NPR2: variants seen among roughly 807,000 people sequenced by gnomAD.
NPR2 encodes natriuretic peptide receptor 2.
Under a neutral mutation model 120.7 loss-of-function variants are expected in NPR2, and 49 were observed. The observed-to-expected ratio is 0.41, with a 90% CI of 0.32 to 0.52. The LOEUF is 0.52. Among genes scored for constraint, NPR2 ranks in the 20% least tolerant of loss-of-function variants. The probability of loss-of-function intolerance (pLI) is 0.36; values close to 1 mark genes in which losing one functional copy is unlikely to be tolerated. For missense variants in NPR2, 931 were observed against 1,362.9 expected (o/e 0.68, Z 4.99); for synonymous variants, 484 against 519.8 (o/e 0.93, Z 0.94).
At chr9:35,807,518 T>C (rs1346349633) in intron 18 of NPR2, 120 bp downstream of exon 18, 2 of 828,502 alleles carry the variant, frequency 2.4e-6, no homozygotes, top group Admixed American at 1.7e-5. Context: ...TCCAGGGTAC[T>C]CAGCATCCTG....
Position 35,805,857 on chromosome 9 carries a change from T to C in NPR2, c.2075T>C (p.Leu692Pro), listed in dbSNP as rs1828353475. The C allele has an allele frequency of 1.9e-6, 3 of 1,614,160 alleles. No homozygotes were observed. Among genetic ancestry groups the C allele is most frequent in the Non-Finnish European group, 2.5e-6 (3 of 1,179,992 alleles). ...AAGCTGTGGACTGCCCCAGAACTGC[T>C]CAGTGGGAACCCCTTGCCAACCACA... Reference protein sequence around the residue: ...AKKLWTAPELLSGNPLPTTGM... With the variant: ...AKKLWTAPELPSGNPLPTTGM... Residue 692 changes from leucine to proline, a missense_variant, in exon 14 of 22, where the codon CTC becomes CCC. This residue lies in a region of NPR2 where 681 missense variants were observed against 974.3 expected (regional missense o/e 0.70). Coordinates refer to ENST00000342694, the MANE Select transcript of NPR2 (RefSeq NM_003995.4). The surrounding 1 kb of genome is among the most constrained non-coding windows in gnomAD (Gnocchi z 4.9).
In NPR2 at chr9:35,792,453, T is replaced by C; in HGVS notation, c.45T>C (p.Gly15=). The change falls in exon 1 of 22, where the codon GGT becomes GGC. Residue 15 remains glycine (G), a synonymous_variant. Coordinates refer to ENST00000342694, the MANE Select transcript of NPR2 (RefSeq NM_003995.4). ...SLLLLVAALA[G]GVRPPGARNL... The stretch of plus-strand genomic sequence containing the variant: ...TGCTGTTGGTGGCAGCCCTGGCAGG[T>C]GGGGTGCGTCCTCCCGGGGCGCGGA... 1.9e-6 allele frequency: 3 copies of C among 1,610,702 alleles called. No homozygotes were observed. The highest frequency in any genetic ancestry group is 2.5e-6 in the Non-Finnish European group (3 of 1,179,714).
chr9:35,809,602 C>T lies in NPR2; in HGVS notation c.*157C>T, dbSNP rs746955675. 1 of 1,269,852 alleles carries T rather than the reference C, an allele frequency of 7.9e-7. No individual in the cohort carries two copies. Among genetic ancestry groups the T allele is most frequent in the Non-Finnish European group, 1.1e-6 (1 of 872,472 alleles). The allele number at this position is 1,269,852 out of a possible 1,614,324, so 78.7% of individuals were successfully genotyped here. A position where few individuals can be genotyped will look rare whatever the true frequency, so the allele number is the denominator to read the frequency against. The stretch of plus-strand genomic sequence containing the variant: ...ATATGGAAGTTGTAGCCCTCTGCAG[C>T]TCAGCCCTGTACATATACCTGTCCC... On this transcript the variant is annotated 3_prime_UTR_variant, in exon 22 of 22. Coordinates refer to ENST00000342694, the MANE Select transcript of NPR2 (RefSeq NM_003995.4). This position sits in a 1 kb window ranked among gnomAD's most constrained non-coding sequence, Gnocchi z 4.1.
intron 2 of NPR2, among the ~76,000 whole-genome samples, chr9:35,795,494 G>A (rs1236279988): frequency 6.6e-6 from 1 of 152,204 alleles, no homozygotes; most frequent in East Asian, 1.9e-4. Flanking sequence ...CTGTGTATAA[G>A]GGCTGGACCT....
rs5816 is a variant in NPR2, at chr9:35,806,172, C to T, written c.2311C>T (p.Gln771Ter). ...TTTGCTGATGGAGCGATGTTGGGCT[C>T]AGGACCCAGCTGAGCGGCCAGACTT... ...LVLLMERCWAQDPAERPDFGQ... is the reference protein window; with the variant it reads ...LVLLMERCWA The change falls in exon 15 of 22, where the codon CAG becomes TAG. Residue 771 changes from glutamine (Q) to a stop codon, truncating the protein, a stop_gained. Coordinates refer to ENST00000342694, the MANE Select transcript of NPR2 (RefSeq NM_003995.4). LOFTEE classifies it high-confidence loss of function. This position sits in a 1 kb window ranked among gnomAD's most constrained non-coding sequence, Gnocchi z 4.6. 6.2e-7 allele frequency: 1 copy of T among 1,614,220 alleles called. No homozygotes were observed. The highest frequency in any genetic ancestry group is 8.5e-7 in the Non-Finnish European group (1 of 1,180,050).
rs754032453 is a variant in NPR2, at chr9:35,809,269, G to T, written c.3078+22G>T. On this transcript the variant is annotated intron_variant, in intron 21 of 21. Transcript: ENST00000342694. This position sits in a 1 kb window ranked among gnomAD's most constrained non-coding sequence, Gnocchi z 4.1. ...GAAGGTGATGGCAGGCCATGGGGAG[G>T]GGGGCATGGAAAGGGAGGGTGAAAG... is the stretch of plus-strand genomic sequence containing the variant. The T allele has an allele frequency of 1.2e-6, 2 of 1,612,364 alleles. No individual in the cohort carries two copies. Among genetic ancestry groups the T allele is most frequent in the Non-Finnish European group, 1.7e-6 (2 of 1,178,652 alleles).
In NPR2 at chr9:35,806,119, A is replaced by G; in HGVS notation, c.2258A>G (p.Asp753Gly). ...GQRPYFRPSI[D>G]RTQLNEELVL... ...CGGCCATATTTCCGGCCAAGCATTG[A>G]CCGGACCCAACTGAATGAAGAGCTA... The change falls in exon 15 of 22, where the codon GAC (aspartate) becomes GGC (glycine). Residue 753 changes from aspartate to glycine, a missense_variant. Asp to Gly is a moderately conservative substitution (Grantham distance 94). Transcript: ENST00000342694. The surrounding 1 kb of genome is among the most constrained non-coding windows in gnomAD (Gnocchi z 4.6). 1 of 1,614,208 alleles carries G rather than the reference A, an allele frequency of 6.2e-7. No homozygotes were observed. The highest frequency in any genetic ancestry group is 1.6e-4 in the Middle Eastern group (1 of 6,062).
Position 35,793,950 on chromosome 9 carries a change from C to A in NPR2, c.720C>A (p.Ala240=). 6.2e-7 allele frequency: 1 copy of A among 1,614,128 alleles called. No individual in the cohort carries two copies. Among genetic ancestry groups the A allele is most frequent in the Non-Finnish European group, 8.5e-7 (1 of 1,180,020 alleles). ...TGCTGCATGAGATCCTGCTTCAGGC[C>A]CAGAGGGAGAATCTGACCAATGGGG... ...LEMLHEILLQ[A]QRENLTNGDY... The change falls in exon 2 of 22, where the codon GCC becomes GCA. Residue 240 remains alanine (A), a synonymous_variant. Coordinates refer to ENST00000342694, the MANE Select transcript of NPR2 (RefSeq NM_003995.4).
At position 35,808,611 on chromosome 9, in the gene NPR2, G is replaced by C; in HGVS notation, c.2815G>C (p.Asp939His). Residue 939 changes from aspartate (D) to histidine (H), a missense_variant, in exon 19 of 22, where the codon GAT (aspartate) becomes CAT (histidine). Physicochemically the swap from Asp to His is moderately conservative, Grantham distance 81. Transcript: ENST00000342694. This position sits in a 1 kb window ranked among gnomAD's most constrained non-coding sequence, Gnocchi z 4.0. ...EIARMALALL[D>H]AVSSFRIRHR... ...TGCTCGTATGGCCCTAGCATTACTA[G>C]ATGCAGTTTCTTCCTTTCGCATCCG... 1 of 1,614,204 alleles carries C rather than the reference G, an allele frequency of 6.2e-7. No individual in the cohort carries two copies. The highest frequency in any genetic ancestry group is 8.5e-7 in the Non-Finnish European group (1 of 1,180,032).
At chr9:35,798,392 G>A (rs1319492132) in intron 2 of NPR2, among the ~76,000 whole-genome samples, 1 of 152,106 alleles carries the variant, frequency 6.6e-6, no homozygotes, top group Non-Finnish European at 1.5e-5. Flanking sequence ...TGTTAGAAGT[G>A]TGTAATCAGG....
At position 35,806,336 on chromosome 9, in the gene NPR2, A is replaced by G. The variant is rs1047683855; in HGVS notation, c.2373-56A>G. ...GGACCAGAGGGTGGGTTGGATAGGA[A>G]GTCCTGGGAATCTTCAGAATCTTAG... On this transcript the variant is annotated intron_variant, in intron 15 of 21. Coordinates refer to ENST00000342694, the MANE Select transcript of NPR2 (RefSeq NM_003995.4). This position sits in a 1 kb window ranked among gnomAD's most constrained non-coding sequence, Gnocchi z 4.6. 1.2e-6 allele frequency: 2 copies of G among 1,610,338 alleles called. No homozygotes were observed. Among genetic ancestry groups the G allele is most frequent in the Non-Finnish European group, 1.7e-6 (2 of 1,176,694 alleles).
At chr9:35,796,630 C>A (rs1416742201) in intron 2 of NPR2, among the ~76,000 whole-genome samples, 1 of 152,206 alleles carries the variant, frequency 6.6e-6, no homozygotes, top group Admixed American at 6.5e-5. Context: ...AGTTCTCCCC[C>A]TCACTGTGGG....
Position 35,800,597 on chromosome 9 carries a change from A to G in NPR2, c.1219-112A>G, listed in dbSNP as rs1828113270. 1 of 1,588,046 alleles carries G rather than the reference A, an allele frequency of 6.3e-7. No individual in the cohort carries two copies. Among genetic ancestry groups the G allele is most frequent in the African/African-American group, 1.3e-5 (1 of 74,384 alleles). ...TGAGGGATTTGTTTTCTCTGCTGGC[A>G]CTGCATCCTGGCTGGGTGGTAGGCT... On this transcript the variant is annotated intron_variant, in intron 5 of 21. Transcript: ENST00000342694. This position sits in a 1 kb window ranked among gnomAD's most constrained non-coding sequence, Gnocchi z 4.7.
chr9:35,792,228 T>G lies in NPR2; in HGVS notation c.-181T>G. 3.9e-4 allele frequency: 88 copies of G among 223,048 alleles called. No homozygotes were observed. Among genetic ancestry groups the G allele is most frequent in the Middle Eastern group, 1.4e-3 (1 of 724 alleles). The allele number at this position is 223,048 out of a possible 1,614,324, so 13.8% of individuals were successfully genotyped here. On this transcript the variant is annotated 5_prime_UTR_variant, in exon 1 of 22. Transcript: ENST00000342694. ...GCCCACTCCTTGCCCGCCCCCCGCC[T>G]TCCTCCCATCTCCCCCTCCTCTCCC...
chr9:35,808,771 G>C lies in NPR2; in HGVS notation c.2904G>C (p.Gly968=). 6.2e-7 allele frequency: 1 copy of C among 1,613,788 alleles called. No homozygotes were observed. Among genetic ancestry groups the C allele is most frequent in the South Asian group, 1.1e-5 (1 of 91,070 alleles). The change falls in exon 20 of 22, where the codon GGG becomes GGC. Residue 968 remains glycine (G), a synonymous_variant. Coordinates refer to ENST00000342694, the MANE Select transcript of NPR2 (RefSeq NM_003995.4). The surrounding 1 kb of genome is among the most constrained non-coding windows in gnomAD (Gnocchi z 4.0). ...TTCTCAAAGGGCCAGTCTGTGCTGG[G>C]GTTGTTGGCCTGAAGATGCCCCGTT... ...IGVHTGPVCA[G]VVGLKMPRYC...
At position 35,792,003 on chromosome 9, in the gene NPR2, G is replaced by A. The variant is rs1827794654; in HGVS notation, c.-406G>A. 1.3e-5 allele frequency among the ~76,000 whole-genome samples: 2 copies of A among 151,828 alleles called. No homozygotes were observed. Among genetic ancestry groups the A allele is most frequent in the South Asian group, 4.2e-4 (2 of 4,808 alleles). On this transcript the variant is annotated 5_prime_UTR_variant, in exon 1 of 22. Transcript: ENST00000342694. ...GCCCTCCCGGCCCTTTCAGCTGTGA[G>A]GTTCCCCCAGGCCGTTTCTTTGTAC...
chr9:35,807,697 T>A (rs1828480088), intron 18 of NPR2, among the ~76,000 whole-genome samples: 1 of 152,210 alleles, frequency 6.6e-6, no homozygotes, highest in Non-Finnish European at 1.5e-5. Flanking sequence ...TCCAGTCCTC[T>A]CCAGACATGG....
At chr9:35,801,003 T>C (rs1828130890) in intron 6 of NPR2, 67 bp from the exon 7 acceptor site, 4 of 1,522,350 alleles carry the variant, frequency 2.6e-6, no homozygotes, top group Non-Finnish European at 3.6e-6. Context: ...TATGCACCTA[T>C]GCACCCCGTT....
Position 35,800,319 on chromosome 9 carries a change from C to A in NPR2, c.1124-70C>A, listed in dbSNP as rs181373421. 12 of 1,472,386 alleles carry A rather than the reference C, an allele frequency of 8.2e-6. No homozygotes were observed. The highest frequency in any genetic ancestry group is 3.3e-5 in the Admixed American group (2 of 59,820). 91.2% of individuals were successfully genotyped at this position (1,472,386 alleles called of 1,614,324 possible). A position where few individuals can be genotyped will look rare whatever the true frequency, so the allele number is the denominator to read the frequency against. ...GGGGAAGGGTAGACTCTGAGGGAGCCGTAGGCATGAGTGAGTGGGAGAGGA... is the reference window on the plus strand; with the variant it reads ...GGGGAAGGGTAGACTCTGAGGGAGCAGTAGGCATGAGTGAGTGGGAGAGGA... On this transcript the variant is annotated intron_variant, in intron 4 of 21. Coordinates refer to ENST00000342694, the MANE Select transcript of NPR2 (RefSeq NM_003995.4). The surrounding 1 kb of genome is among the most constrained non-coding windows in gnomAD (Gnocchi z 4.7).
Sources: allele counts gnomAD v4.1 joint callset (sites outside exome capture counted in the v4.1 genomes callset), GRCh38; gene constraint gnomAD v4.1.1; regional missense constraint gnomAD v4.1.1; non-coding constraint Gnocchi (gnomAD v3.1); transcripts MANE v1.5; gene names NCBI Gene and HGNC (gene_info 2026-07-23, HGNC 2026-07-21).